CDH12: variants seen among roughly 807,000 people sequenced by gnomAD.
CDH12 encodes cadherin 12.
In CDH12, 41 loss-of-function variants were observed where a neutral mutation model predicts 74.1. That is an observed-to-expected ratio of 0.55 (90% CI 0.43 to 0.72). The LOEUF is 0.72. CDH12 is among the 30% of genes least tolerant of loss of function. CDH12 has a pLI of 0.00. For missense variants in CDH12, 945 were observed against 977.2 expected, an observed-to-expected ratio of 0.97 and a Z score of 0.44; for synonymous variants, 399 against 355.0, an observed-to-expected ratio of 1.12 and a Z score of -1.39.
chr5:22,674,506 T>C (rs879918953), intron 1 of CDH12, among the ~76,000 whole-genome samples: 1 of 152,108 alleles, frequency 6.6e-6, no homozygotes, highest in Non-Finnish European at 1.5e-5. Context: ...AATAGACTAA[T>C]ATAGTATACT....
chr5:22,819,150 T>C (rs552973951), intron 1 of CDH12, among the ~76,000 whole-genome samples: 1 of 152,280 alleles, frequency 6.6e-6, no homozygotes, highest in African/African-American at 2.4e-5. Flanking sequence ...TAAAATCGAA[T>C]TAGCATTCTC....
At chr5:22,673,942 C>T (rs1182402104) in intron 1 of CDH12, among the ~76,000 whole-genome samples, 1 of 152,130 alleles carries the variant, frequency 6.6e-6, no homozygotes, top group Admixed American at 6.5e-5. Context: ...AGTAGAATCT[C>T]CTTATGCAAT....
At chr5:22,179,118 C>T (rs2150335970) in intron 4 of CDH12, among the ~76,000 whole-genome samples, 1 of 152,258 alleles carries the variant, frequency 6.6e-6, no homozygotes, top group East Asian at 1.9e-4. Context: ...ACATAATAGG[C>T]AGTTAATAAA....
chr5:22,349,269 ACAGT>A (rs1740255337), intron 3 of CDH12, among the ~76,000 whole-genome samples: 1 of 152,188 alleles, frequency 6.6e-6, no homozygotes, highest in South Asian at 2.1e-4. Flanking sequence ...ATAAACCTTG[ACAGT>A]CAGTTTCCCT....
chr5:22,707,543 G>T (rs962497287), intron 1 of CDH12, among the ~76,000 whole-genome samples: 4 of 152,092 alleles, frequency 2.6e-5, no homozygotes, highest in African/African-American at 9.7e-5. Context: ...TATGATAATA[G>T]CAACAAGCAA....
At chr5:22,132,709 C>T (rs1036089069) in intron 4 of CDH12, among the ~76,000 whole-genome samples, 4 of 152,022 alleles carry the variant, frequency 2.6e-5, no homozygotes, top group African/African-American at 9.7e-5. Flanking sequence ...AGGGCCTAAT[C>T]CAGGCACATT....
chr5:22,802,600 G>A (rs915861621), intron 1 of CDH12, among the ~76,000 whole-genome samples: 1 of 151,892 alleles, frequency 6.6e-6, no homozygotes, highest in African/African-American at 2.4e-5. Flanking sequence ...TGTATTCTGC[G>A]GAAATTCCTA....
At chr5:22,824,991 A>C (rs892322481) in intron 1 of CDH12, among the ~76,000 whole-genome samples, 6 of 151,958 alleles carry the variant, frequency 3.9e-5, no homozygotes, top group Admixed American at 1.3e-4. Flanking sequence ...TAATAAATTC[A>C]AAAAGGCTTG....
intron 6 of CDH12, among the ~76,000 whole-genome samples, chr5:21,962,405 C>T (rs1756398198): frequency 6.6e-6 from 1 of 152,122 alleles, no homozygotes; most frequent in South Asian, 2.1e-4. Flanking sequence ...GCACTTGTTA[C>T]TTCAACAATG....
At chr5:22,845,174 A>G (rs1397218552) in intron 1 of CDH12, among the ~76,000 whole-genome samples, 2 of 152,162 alleles carry the variant, frequency 1.3e-5, no homozygotes, top group East Asian at 3.8e-4. Flanking sequence ...TGTTTTTTGT[A>G]GAAGGACACT....
chr5:22,814,914 G>A (rs1404899685), intron 1 of CDH12, among the ~76,000 whole-genome samples: 2 of 152,086 alleles, frequency 1.3e-5, no homozygotes, highest in African/African-American at 2.4e-5. Context: ...TAAGTAACAC[G>A]AAAACTTTGA....
intron 8 of CDH12, among the ~76,000 whole-genome samples, chr5:21,833,272 A>G (rs1257020562): frequency 1.9e-5 from 1 of 52,158 alleles, no homozygotes; most frequent in Non-Finnish European, 2.7e-5. Flanking sequence ...TATAATATAT[A>G]TTATATGTTA....
At chr5:22,803,728 C>A (rs1287334283) in intron 1 of CDH12, among the ~76,000 whole-genome samples, 1 of 152,168 alleles carries the variant, frequency 6.6e-6, no homozygotes, top group African/African-American at 2.4e-5. Context: ...CTCTCTCAAA[C>A]CTTTTGGAAG....
intron 6 of CDH12, among the ~76,000 whole-genome samples, chr5:21,919,321 T>C (rs1273041543): frequency 2.0e-5 from 3 of 152,226 alleles, no homozygotes; most frequent in Non-Finnish European, 2.9e-5. Flanking sequence ...TATTTTATTG[T>C]ATTATAAAAT....
intron 4 of CDH12, among the ~76,000 whole-genome samples, chr5:22,170,358 C>T (rs1200462667): frequency 6.6e-6 from 1 of 151,832 alleles, no homozygotes; most frequent in African/African-American, 2.4e-5. Context: ...TGACTTTTCA[C>T]ATTTCACATA....
intron 3 of CDH12, among the ~76,000 whole-genome samples, chr5:22,253,424 T>A (rs1753201490): frequency 6.6e-6 from 1 of 151,874 alleles, no homozygotes; most frequent in Non-Finnish European, 1.5e-5. Context: ...ACAATGATAC[T>A]CAAAAATTAA....
intron 2 of CDH12, among the ~76,000 whole-genome samples, chr5:22,452,386 G>C (rs563649350): frequency 3.4e-4 from 52 of 151,944 alleles, no homozygotes; most frequent in African/African-American, 1.2e-3. Context: ...TAGACCAATG[G>C]AACAGAATAA....
At chr5:22,029,550 A>C (rs1371681174) in intron 5 of CDH12, among the ~76,000 whole-genome samples, 4 of 152,016 alleles carry the variant, frequency 2.6e-5, no homozygotes. Context: ...ATGCAAATCA[A>C]AACCACAATG....
Position 21,765,004 on chromosome 5 carries a change from C to A in CDH12, c.1489G>T (p.Val497Leu). 1.2e-6 allele frequency: 2 copies of A among 1,613,526 alleles called. No individual in the cohort carries two copies. Among genetic ancestry groups the A allele is most frequent in the Non-Finnish European group, 1.7e-6 (2 of 1,179,670 alleles). Reference sequence around the variant, plus strand: ...TGTCCTGGCTTGGCATTTTCACACACGGCTGTCTCATATGGCACAGATATT... The same window carrying A: ...TGTCCTGGCTTGGCATTTTCACACAAGGCTGTCTCATATGGCACAGATATT... ...PEISVPYETA[V>L]CENAKPGQII... The change falls in exon 12 of 15, where the codon GTG becomes TTG. Residue 497 changes from valine to leucine, a missense_variant. Val to Leu is a conservative substitution (Grantham distance 32). Around this residue, in one of 3 missense-constraint regions of CDH12, gnomAD observed 791 missense variants for 792.8 expected, o/e 1.00. Coordinates refer to ENST00000382254, the MANE Select transcript of CDH12 (RefSeq NM_004061.5).
Sources: allele counts gnomAD v4.1 joint callset (sites outside exome capture counted in the v4.1 genomes callset), GRCh38; gene constraint gnomAD v4.1.1; regional missense constraint gnomAD v4.1.1; transcripts MANE v1.5; gene names NCBI Gene and HGNC (gene_info 2026-07-23, HGNC 2026-07-21).